ARPP19: variants seen among roughly 807,000 people sequenced by gnomAD.
ARPP19 encodes the protein cAMP-regulated phosphoprotein 19.
Under a neutral mutation model 12.0 loss-of-function variants are expected in ARPP19, and 8 were observed. That is an observed-to-expected ratio of 0.67 (90% confidence interval 0.39 to 1.21). The LOEUF (loss-of-function observed/expected upper bound fraction) is 1.21. Among genes scored for constraint, ARPP19 ranks in the 50% most tolerant of loss-of-function variants. ARPP19 has a pLI of 0.01. For synonymous variants in ARPP19, 47 were observed against 50.4 expected (o/e 0.93, Z 0.29); for missense variants, 102 against 136.3 (o/e 0.75, Z 1.25).
upstream of ARPP19, chr15:52,569,183 T>C: frequency 2.3e-6 from 1 of 443,510 alleles, no homozygotes; most frequent in Non-Finnish European, 4.0e-6. Context: ...TCGCCGCTCC[T>C]GCCTCACCTC....
At chr15:52,558,428 T>G (rs1277989172) in intron 1 of ARPP19, among the ~76,000 whole-genome samples, 1 of 146,308 alleles carries the variant, frequency 6.8e-6, no homozygotes, top group African/African-American at 2.6e-5. Flanking sequence ...CTAGCCTGGG[T>G]GCATACCCAG....
At position 52,551,505 on chromosome 15, in the gene ARPP19, G is replaced by T. The variant is rs1243016844; in HGVS notation, c.*429C>A. ...ATATGTGACCTTTCTTCTAACTTGTGGTCTTAAACTTCTGTTTTACAAAAT... is the reference window on the plus strand; with the variant it reads ...ATATGTGACCTTTCTTCTAACTTGTTGTCTTAAACTTCTGTTTTACAAAAT... On this transcript the variant is annotated 3_prime_UTR_variant, in exon 3 of 3. Coordinates refer to ENST00000249822, the MANE Select transcript of ARPP19 (RefSeq NM_006628.6). 6.5e-6 allele frequency: 1 copy of T among 153,408 alleles called. No homozygotes were observed. Among genetic ancestry groups the T allele is most frequent in the Non-Finnish European group, 1.5e-5 (1 of 68,702 alleles). 9.5% of individuals were successfully genotyped at this position (153,408 alleles called of 1,614,324 possible). A position where few individuals can be genotyped will look rare whatever the true frequency, so the allele number is the denominator to read the frequency against.
At chr15:52,561,065 T>C (rs1244394819) in intron 1 of ARPP19, among the ~76,000 whole-genome samples, 1 of 152,212 alleles carries the variant, frequency 6.6e-6, no homozygotes, top group African/African-American at 2.4e-5. Context: ...TTTAAAAACA[T>C]GCAAAGTGGT....
chr15:52,555,480 T>C (rs993675128), intron 2 of ARPP19, among the ~76,000 whole-genome samples: 1 of 152,032 alleles, frequency 6.6e-6, no homozygotes, highest in African/African-American at 2.4e-5. Context: ...CTTTATGTTC[T>C]AAAATAACCA....
At chr15:52,554,348 C>G (rs918620736) in intron 2 of ARPP19, among the ~76,000 whole-genome samples, 1 of 151,740 alleles carries the variant, frequency 6.6e-6, no homozygotes, top group African/African-American at 2.4e-5. Flanking sequence ...TTAGAATTGC[C>G]CTAAAAAGGA....
At position 52,548,900 on chromosome 15, in the gene ARPP19, CAAGTA is replaced by C. The variant is rs2077903721; in HGVS notation, c.*3029_*3033del. The C allele has an allele frequency of 6.6e-6, 1 of 152,634 alleles. No homozygotes were observed. Among genetic ancestry groups the C allele is most frequent in the African/African-American group, 2.4e-5 (1 of 41,446 alleles). The allele number at this position is 152,634 out of a possible 1,614,324, so 9.5% of individuals were successfully genotyped here. A position where few individuals can be genotyped will look rare whatever the true frequency, so the allele number is the denominator to read the frequency against. On this transcript the variant is annotated 3_prime_UTR_variant, in exon 3 of 3. Coordinates refer to ENST00000249822, the MANE Select transcript of ARPP19 (RefSeq NM_006628.6). ...CTAATTCCAACTGTTGAAGTAGTAA[CAAGTA>C]AAGGCTTCACCAGGCTTTCCTTGAT...
At chr15:52,560,375 T>C (rs11854997) in intron 1 of ARPP19, among the ~76,000 whole-genome samples, 15,645 of 152,226 alleles carry the variant, frequency 0.1, 872 homozygotes, top group Middle Eastern at 0.17. Context: ...AATGTTTGGG[T>C]AAAACAGCAT....
chr15:52,552,210 A>C, intron 2 of ARPP19, 106 bp from the exon 3 acceptor site: 1 of 661,536 alleles, frequency 1.5e-6, no homozygotes, highest in Non-Finnish European at 2.7e-6. Context: ...AAAAGAATTT[A>C]AACAGGAATA....
At chr15:52,556,383 A>G (rs2077981993) in intron 2 of ARPP19, among the ~76,000 whole-genome samples, 1 of 152,140 alleles carries the variant, frequency 6.6e-6, no homozygotes, top group Admixed American at 6.5e-5. Context: ...GTCACAGGAC[A>G]ATACTTAGGG....
chr15:52,562,514 A>G (rs577803539), intron 1 of ARPP19, among the ~76,000 whole-genome samples: 2 of 152,146 alleles, frequency 1.3e-5, no homozygotes, highest in African/African-American at 2.4e-5. Context: ...AAAAAAATTT[A>G]AAAATTAGAT....
chr15:52,566,554 G>C (rs2078083981), intron 1 of ARPP19, among the ~76,000 whole-genome samples: 1 of 151,954 alleles, frequency 6.6e-6, no homozygotes, highest in African/African-American at 2.4e-5. Flanking sequence ...AAGTAGCTGG[G>C]ACTACAGGCC....
rs1049033088 is a variant in ARPP19, at chr15:52,569,002, G to C, written c.-110C>G. 1.9e-5 allele frequency: 15 copies of C among 779,556 alleles called. 1 individual carries two copies. The South Asian group carries it at 2.2e-4, about 11-fold the overall frequency. The allele number at this position is 779,556 out of a possible 1,614,324, so 48.3% of individuals were successfully genotyped here. On this transcript the variant is annotated 5_prime_UTR_variant, in exon 1 of 3. Coordinates refer to ENST00000249822, the MANE Select transcript of ARPP19 (RefSeq NM_006628.6). The stretch of plus-strand genomic sequence containing the variant: ...TCCCAGGGCCCGCCGGGCCGCCTCC[G>C]CCCGCGAAAATGGCCGCCGCCTTAT...
chr15:52,556,219 A>T (rs2077979993), intron 2 of ARPP19, among the ~76,000 whole-genome samples: 3 of 152,146 alleles, frequency 2.0e-5, no homozygotes, highest in Non-Finnish European at 2.9e-5. Context: ...AGCCGATATC[A>T]GTATATGAAT....
At chr15:52,567,683 T>C (rs1009966644) in intron 1 of ARPP19, among the ~76,000 whole-genome samples, 3 of 152,204 alleles carry the variant, frequency 2.0e-5, no homozygotes, top group African/African-American at 4.8e-5. Flanking sequence ...TGTGGTAACT[T>C]GGACTTTTAC....
At chr15:52,554,845 C>T (rs2077966928) in intron 2 of ARPP19, among the ~76,000 whole-genome samples, 1 of 152,096 alleles carries the variant, frequency 6.6e-6, no homozygotes. Flanking sequence ...CATGTGTACA[C>T]AGTCATATTG....
upstream of ARPP19, chr15:52,569,155 C>A (rs2078118383): frequency 6.1e-6 from 3 of 495,436 alleles, no homozygotes; most frequent in South Asian, 7.5e-5. Context: ...CCAAACACTT[C>A]CTTTTTTCCT....
At chr15:52,567,555 G>A (rs968264275) in intron 1 of ARPP19, among the ~76,000 whole-genome samples, 7 of 152,132 alleles carry the variant, frequency 4.6e-5, no homozygotes, top group African/African-American at 1.7e-4. Context: ...ACAATAAGCA[G>A]GTGATACTTA....
At chr15:52,558,023 C>G (rs553310398) in intron 1 of ARPP19, among the ~76,000 whole-genome samples, 1 of 152,318 alleles carries the variant, frequency 6.6e-6, no homozygotes, top group African/African-American at 2.4e-5. Flanking sequence ...AAACCTGTTT[C>G]CTGACAGAAC....
rs149955668 is a variant in ARPP19, at chr15:52,557,371, C to G, written c.46-149G>C. The G allele has an allele frequency of 4.1e-4, 261 of 636,510 alleles. No individual in the cohort carries two copies. The African/African-American group carries it at 4.6e-3, about 11-fold the overall frequency. 39.4% of individuals were successfully genotyped at this position (636,510 alleles called of 1,614,324 possible). A position where few individuals can be genotyped will look rare whatever the true frequency, so the allele number is the denominator to read the frequency against. ...AAATCAAACCCAGAAGCCTTTAAAA[C>G]ATCTCTATCTTGTTTTTCAAAAGAT... On this transcript the variant is annotated intron_variant, in intron 1 of 2. Transcript: ENST00000249822.
Sources: allele counts gnomAD v4.1 joint callset (sites outside exome capture counted in the v4.1 genomes callset), GRCh38; gene constraint gnomAD v4.1.1; transcripts MANE v1.5; gene names NCBI Gene and HGNC (gene_info 2026-07-23, HGNC 2026-07-21).